The following TMEM230 variants were observed in gnomAD, a reference collection of about 807,000 sequenced individuals.
TMEM230 encodes transmembrane protein 230.
TMEM230 carries 10 observed loss-of-function variants against 15.8 expected under a neutral mutation model. That is an observed-to-expected ratio of 0.63 (90% CI 0.39 to 1.07). The LOEUF (loss-of-function observed/expected upper bound fraction) is 1.07, where lower values mean the gene tolerates loss of function less well. Among genes scored for constraint, TMEM230 ranks in the 50% least tolerant of loss-of-function variants. TMEM230 has a pLI of 0.01. For missense variants in TMEM230, 165 were observed against 193.3 expected (o/e 0.85, Z 0.87); for synonymous variants, 67 against 76.9 (o/e 0.87, Z 0.68).
At chr20:5,098,378 TA>T (rs1363014604), downstream of TMEM230, 1 of 152,186 alleles carries the variant, frequency 6.6e-6, no homozygotes, top group Non-Finnish European at 1.5e-5. Context: ...TATGGAGGTT[TA>T]GATCTTTTCT....
chr20:5,110,984 C>A (rs1283344585), intron 2 of TMEM230: 1 of 152,176 alleles, frequency 6.6e-6, no homozygotes, highest in Middle Eastern at 3.4e-3. Context: ...GAATTCGAGA[C>A]CAGCTTGGCC....
chr20:5,095,139 T>C (rs1436897453), downstream of TMEM230, among the ~76,000 whole-genome samples: 1 of 152,204 alleles, frequency 6.6e-6, no homozygotes, highest in Non-Finnish European at 1.5e-5. Context: ...GATTAGCATC[T>C]TAGCCAAGAA....
Position 5,106,241 on chromosome 20 carries a change from C to A in TMEM230, c.358G>T (p.Ala120Ser). ...AGGGAGCCTATAATAATGAGAAAGG[C>A]GCCAATCAAAAACAGCACAGTGGCA... The change falls in exon 4 of 5, where the codon GCC (alanine) becomes TCC (serine). Residue 120 changes from alanine to serine, a missense_variant. Coordinates refer to ENST00000342308, the MANE Select transcript of TMEM230 (RefSeq NM_001009923.2). 1 of 1,613,888 alleles carries A rather than the reference C, an allele frequency of 6.2e-7. No homozygotes were observed. Among genetic ancestry groups the A allele is most frequent in the South Asian group, 1.1e-5 (1 of 91,062 alleles).
chr20:5,074,060 C>T (rs1224768965), intron 3 of TMEM230, among the ~76,000 whole-genome samples: 1 of 152,136 alleles, frequency 6.6e-6, no homozygotes, highest in Non-Finnish European at 1.5e-5. Context: ...CCAGATCTTG[C>T]CTGAACTCAG....
chr20:5,069,341 T>C, exon 4 of TMEM230: 1 of 1,531,912 alleles, frequency 6.5e-7, no homozygotes, highest in Non-Finnish European at 8.7e-7. Flanking sequence ...GTGAGGTGGA[T>C]TCGAGACTCT....
intron 4 of TMEM230, among the ~76,000 whole-genome samples, chr20:5,105,676 T>C (rs1294420562): frequency 6.6e-6 from 1 of 152,204 alleles, no homozygotes; most frequent in East Asian, 1.9e-4. Flanking sequence ...TTATTATGAA[T>C]GCATGGCTGT....
intron 3 of TMEM230, among the ~76,000 whole-genome samples, chr20:5,069,779 G>A (rs6139618): frequency 6.6e-6 from 1 of 151,848 alleles, no homozygotes; most frequent in Non-Finnish European, 1.5e-5. Context: ...GCACCATCTC[G>A]GCTCACTGCA....
rs1468416660 is a variant in TMEM230, at chr20:5,103,295, C to T, written c.412-2364G>A. 2.6e-5 allele frequency among the ~76,000 whole-genome samples: 4 copies of T among 151,890 alleles called. No individual in the cohort carries two copies. The East Asian group carries it at 7.8e-4, about 30-fold the overall frequency. On this transcript the variant is annotated intron_variant, in intron 4 of 4. Coordinates refer to ENST00000342308, the MANE Select transcript of TMEM230 (RefSeq NM_001009923.2). ...TGGGCAACATAATGAGATCTCATCT[C>T]TACCAAACAAACAAAAAAATTAGCT...
At chr20:5,091,632 A>G (rs2089509814) in intron 3 of TMEM230, among the ~76,000 whole-genome samples, 1 of 152,176 alleles carries the variant, frequency 6.6e-6, no homozygotes, top group African/African-American at 2.4e-5. Context: ...AATATTACTT[A>G]TTATATTTGT....
chr20:5,108,222 C>T (rs1443215192), intron 3 of TMEM230, among the ~76,000 whole-genome samples: 1 of 152,116 alleles, frequency 6.6e-6, no homozygotes, highest in African/African-American at 2.4e-5. Flanking sequence ...GAGTTCAAGA[C>T]CAGCCTGACC....
chr20:5,066,262 G>A (rs2088651427), downstream of TMEM230: 1 of 152,364 alleles, frequency 6.6e-6, no homozygotes, highest in East Asian at 1.9e-4. Flanking sequence ...TTCTTTGGAG[G>A]ATGCTGCCTT....
At chr20:5,062,828 T>C in the TMEM230 span, among the ~76,000 whole-genome samples, 2 of 152,146 alleles carry the variant, frequency 1.3e-5, no homozygotes, top group East Asian at 3.9e-4. Flanking sequence ...CCTATTGATA[T>C]CTACAGAGCT....
chr20:5,064,955 G>A (rs1405121642), downstream of TMEM230, among the ~76,000 whole-genome samples: 1 of 151,794 alleles, frequency 6.6e-6, no homozygotes, highest in Non-Finnish European at 1.5e-5. Context: ...AAGATCACTT[G>A]AGCTTAGGAG....
intron 3 of TMEM230, among the ~76,000 whole-genome samples, chr20:5,094,412 TA>T (rs1451415794): frequency 6.6e-6 from 1 of 151,592 alleles, no homozygotes; most frequent in Non-Finnish European, 1.5e-5. Context: ...GGCTAATTTT[TA>T]AAAAAAAATT....
chr20:5,092,661 G>A (rs538778075), intron 3 of TMEM230, among the ~76,000 whole-genome samples: 4 of 150,248 alleles, frequency 2.7e-5, no homozygotes, highest in South Asian at 4.2e-4. Flanking sequence ...GTTGCAGTGA[G>A]CTGAGATCGC....
At chr20:5,088,003 T>TAAAA (rs144929003) in intron 3 of TMEM230, among the ~76,000 whole-genome samples, 2 of 113,454 alleles carry the variant, frequency 1.8e-5, no homozygotes, top group Non-Finnish European at 3.6e-5. Flanking sequence ...AGGATATACC[T>TAAAA]AAAAAAAAAA....
chr20:5,088,210 G>A (rs2089406820), intron 3 of TMEM230, among the ~76,000 whole-genome samples: 1 of 149,342 alleles, frequency 6.7e-6, no homozygotes, highest in Non-Finnish European at 1.5e-5. Flanking sequence ...TCTGGAGGCT[G>A]ACACAGGAGA....
At chr20:5,059,872 T>C in the TMEM230 span, among the ~76,000 whole-genome samples, 57,320 of 148,390 alleles carry the variant, frequency 0.39, 11,213 homozygotes, top group East Asian at 0.41. Context: ...CTCCGCCTCC[T>C]AGTTTCAAGC....
chr20:5,066,560 T>C (rs1015802345), downstream of TMEM230, among the ~76,000 whole-genome samples: 34 of 150,988 alleles, frequency 2.3e-4, no homozygotes, highest in African/African-American at 7.6e-4. Flanking sequence ...TAGTCCCAGC[T>C]ACTTGGGAGG....
Sources: gnomAD v4.1 joint callset for allele counts (sites outside exome capture counted in the v4.1 genomes callset) on GRCh38, gnomAD v4.1.1 for gene constraint, MANE v1.5 for transcripts, NCBI Gene and HGNC (gene_info 2026-07-23, HGNC 2026-07-21) for gene names.